The following NR2C1 variants were observed in gnomAD, a reference collection of about 807,000 sequenced individuals.
The protein encoded by NR2C1 is TR2 nuclear hormone receptor.
In NR2C1, 33 loss-of-function variants were observed where a neutral mutation model predicts 74.8. The observed-to-expected ratio is 0.44, with a 90% CI of 0.33 to 0.59. The LOEUF (loss-of-function observed/expected upper bound fraction) is 0.59. NR2C1 is among the 20% of genes least tolerant of loss of function. NR2C1 has a pLI of 0.02. For missense variants in NR2C1, 568 were observed against 715.6 expected (o/e 0.79, Z 2.35); for synonymous variants, 225 against 240.6 (o/e 0.94, Z 0.60).
intron 2 of NR2C1, among the ~76,000 whole-genome samples, chr12:95,064,648 G>T (rs1027738838): frequency 6.6e-6 from 1 of 152,044 alleles, no homozygotes. Flanking sequence ...CTGCCATCTG[G>T]GGGGGAGGAA....
chr12:95,055,010 G>A (rs892724220), intron 7 of NR2C1, among the ~76,000 whole-genome samples: 3 of 152,126 alleles, frequency 2.0e-5, no homozygotes, highest in African/African-American at 7.2e-5. Context: ...ATCTTGCACC[G>A]CCCTTAATCC....
chr12:95,066,318 ATGACAAAACCC>A (rs1875688901), intron 2 of NR2C1, among the ~76,000 whole-genome samples: 1 of 152,242 alleles, frequency 6.6e-6, no homozygotes, highest in Non-Finnish European at 1.5e-5. Context: ...CCTGGGCAAC[ATGACAAAACCC>A]TGTTGCTACA....
chr12:95,063,881 T>A (rs1875189544), intron 2 of NR2C1, among the ~76,000 whole-genome samples: 1 of 151,404 alleles, frequency 6.6e-6, no homozygotes, highest in Admixed American at 6.6e-5. Flanking sequence ...ATATAAAAAT[T>A]AGCTGGGCAT....
chr12:95,032,693 C>T (rs249169), intron 10 of NR2C1, among the ~76,000 whole-genome samples: 105,951 of 151,950 alleles, frequency 0.7, 37,160 homozygotes, highest in African/African-American at 0.75. Context: ...TGGGGCTGGG[C>T]GCAGTAGCTC....
At chr12:95,034,829 G>A (rs1565840364) in intron 10 of NR2C1, among the ~76,000 whole-genome samples, 1 of 152,116 alleles carries the variant, frequency 6.6e-6, no homozygotes, top group Non-Finnish European at 1.5e-5. Flanking sequence ...GCCTTGATGT[G>A]TAGTAGGTTT....
intron 7 of NR2C1, among the ~76,000 whole-genome samples, chr12:95,053,825 A>G (rs1256645455): frequency 1.3e-5 from 2 of 151,336 alleles, no homozygotes; most frequent in African/African-American, 4.9e-5. Context: ...CTGGGACTAC[A>G]GGCGCCCGCC....
At chr12:95,052,033 C>T (rs1013961737) in intron 7 of NR2C1, 90 bp from the exon 8 acceptor site, 1 of 801,900 alleles carries the variant, frequency 1.2e-6, no homozygotes, top group African/African-American at 1.8e-5. Flanking sequence ...GATATGCCAA[C>T]AAAAGAACAG....
At chr12:95,061,980 T>C (rs2136189155) in intron 3 of NR2C1, among the ~76,000 whole-genome samples, 1 of 152,350 alleles carries the variant, frequency 6.6e-6, no homozygotes, top group East Asian at 1.9e-4. Flanking sequence ...CATGAAGATG[T>C]GCATGACAAC....
intron 10 of NR2C1, among the ~76,000 whole-genome samples, chr12:95,035,784 C>CA (rs1263314820): frequency 2.6e-5 from 4 of 152,262 alleles, no homozygotes; most frequent in Non-Finnish European, 4.4e-5. Context: ...AGAAAAACAG[C>CA]AAGGCTACTC....
intron 11 of NR2C1, among the ~76,000 whole-genome samples, chr12:95,029,905 G>A (rs766679608): frequency 3.1e-4 from 47 of 152,086 alleles, no homozygotes; most frequent in Middle Eastern, 3.4e-3. Flanking sequence ...TTCTCACTCT[G>A]TTGTCCAAGC....
At chr12:95,028,554 G>A (rs1869654774) in intron 11 of NR2C1, 30 bp from the exon 12 acceptor site, 2 of 1,388,128 alleles carry the variant, frequency 1.4e-6, no homozygotes, top group South Asian at 2.5e-5. Context: ...AATGCTTCTA[G>A]TGTTTGTCTA....
chr12:95,031,257 A>G, intron 11 of NR2C1, 92 bp downstream of exon 11: 4 of 1,087,892 alleles, frequency 3.7e-6, no homozygotes, highest in South Asian at 2.5e-5. Context: ...CACTAATATA[A>G]TAATTATTAG....
At chr12:95,054,251 A>C (rs1167576435) in intron 7 of NR2C1, among the ~76,000 whole-genome samples, 1 of 152,166 alleles carries the variant, frequency 6.6e-6, no homozygotes, top group Non-Finnish European at 1.5e-5. Flanking sequence ...CTAACCAGAA[A>C]AATGACCCAA....
At chr12:95,055,473 C>A (rs186811030) in intron 7 of NR2C1, among the ~76,000 whole-genome samples, 165 of 152,254 alleles carry the variant, frequency 1.1e-3, no homozygotes, top group African/African-American at 3.9e-3. Context: ...ACTTTTATTA[C>A]TCTTATTTTA....
intron 7 of NR2C1, among the ~76,000 whole-genome samples, chr12:95,057,151 C>T (rs557578464): frequency 2.3e-5 from 3 of 130,816 alleles, no homozygotes; most frequent in Admixed American, 8.6e-5. Flanking sequence ...GTTGCCCAGG[C>T]GGGAGTGCAA....
chr12:95,030,471 G>A (rs1259436575), intron 11 of NR2C1: 6 of 1,496,964 alleles, frequency 4.0e-6, no homozygotes, highest in Non-Finnish European at 5.3e-6. Flanking sequence ...CCATCCATTA[G>A]TAATTAGTCA....
In NR2C1 at chr12:95,030,919, A is replaced by G. The variant is rs151287872; in HGVS notation, c.1393+430T>C. 4.2e-6 allele frequency: 6 copies of G among 1,421,534 alleles called. No individual in the cohort carries two copies. In the East Asian group the frequency reaches 1.1e-4, roughly 27 times the overall value. 88.1% of individuals were successfully genotyped at this position (1,421,534 alleles called of 1,614,324 possible). On this transcript the variant is annotated intron_variant, in intron 11 of 13. Transcript: ENST00000333003. ...TAAAAAGGATTGTTCCTGACTCTTC[A>G]GAACTATTTAGGTGAGAGAATACAC...
intron 7 of NR2C1, 106 bp downstream of exon 7, chr12:95,057,447 A>G (rs1181102707): frequency 2.6e-6 from 2 of 770,228 alleles, no homozygotes; most frequent in African/African-American, 3.6e-5. Flanking sequence ...GCAACTTGTA[A>G]TATGGAATAT....
chr12:95,060,583 C>T (rs568005657), intron 3 of NR2C1, among the ~76,000 whole-genome samples: 60 of 152,102 alleles, frequency 3.9e-4, no homozygotes, highest in Admixed American at 3.8e-3. Flanking sequence ...TGAACCCAGG[C>T]GGCAGAGGTT....
Sources: gnomAD v4.1 joint callset for allele counts (sites outside exome capture counted in the v4.1 genomes callset) on GRCh38, gnomAD v4.1.1 for gene constraint, MANE v1.5 for transcripts, NCBI Gene and HGNC (gene_info 2026-07-23, HGNC 2026-07-21) for gene names.